TMCC3: variants seen among roughly 807,000 people sequenced by gnomAD.
TMCC3 encodes the protein transmembrane and coiled-coil domain family 3.
TMCC3 carries 28 observed loss-of-function variants against 40.2 expected under a neutral mutation model. That is an observed-to-expected ratio of 0.70 (90% CI 0.52 to 0.95). TMCC3 has a LOEUF of 0.95. Among genes scored for constraint, TMCC3 ranks in the 40% least tolerant of loss-of-function variants. The pLI, the probability that TMCC3 is intolerant of heterozygous loss-of-function variation, is 0.00. For synonymous variants in TMCC3, 255 were observed against 248.5 expected (o/e 1.03, Z -0.25); for missense variants, 554 against 615.2 (o/e 0.90, Z 1.05).
chr12:94,650,204 C>T, intron 1 of TMCC3, 149 bp downstream of exon 1: 1 of 370,710 alleles, frequency 2.7e-6, no homozygotes, highest in Non-Finnish European at 4.3e-6. Context: ...CCTTTTAGCT[C>T]GGAGGATCGG....
At chr12:94,581,570 AAAAT>A (rs1191152859) in intron 2 of TMCC3, 48 bp downstream of exon 2, 16 of 1,168,448 alleles carry the variant, frequency 1.4e-5, no homozygotes, top group South Asian at 8.5e-5. Context: ...ATAAAATAAA[AAAAT>A]AAATAAATAA....
At chr12:94,641,275 C>T (rs916721659) in intron 1 of TMCC3, among the ~76,000 whole-genome samples, 2 of 151,910 alleles carry the variant, frequency 1.3e-5, no homozygotes, top group African/African-American at 4.8e-5. Context: ...GCAGCTCAGG[C>T]ATCTGGTTTG....
chr12:94,590,704 C>T (rs2068668714), intron 1 of TMCC3: 4 of 305,614 alleles, frequency 1.3e-5, no homozygotes, highest in South Asian at 1.3e-4. Flanking sequence ...GTGTGTTCTC[C>T]CAGAAGAACA....
rs1456497021 is a variant in TMCC3 at position 94,582,557 on chromosome 12, A to C, written c.79-19T>G. On this transcript the variant is annotated intron_variant, in intron 1 of 3. Coordinates refer to ENST00000261226, the MANE Select transcript of TMCC3 (RefSeq NM_020698.4). The stretch of plus-strand genomic sequence containing the variant: ...GTTCTACCTGAAAGAGACAGGAAAG[A>C]AGCACATTAAAATTTGAAGTCAAAG... The C allele has an allele frequency of 3.2e-6, 5 of 1,557,522 alleles. No individual in the cohort carries two copies. The highest frequency in any genetic ancestry group is 2.0e-5 in the Admixed American group (1 of 49,690).
At chr12:94,616,184 T>A in intron 1 of TMCC3, 3 of 784,422 alleles carry the variant, frequency 3.8e-6, no homozygotes, top group Non-Finnish European at 4.6e-6. Context: ...GCTGTACAAA[T>A]GGGCTCTTTG....
At chr12:94,626,122 G>A (rs1224881740) in intron 1 of TMCC3, among the ~76,000 whole-genome samples, 1 of 152,172 alleles carries the variant, frequency 6.6e-6, no homozygotes, top group Non-Finnish European at 1.5e-5. Context: ...ATGTGTGAAC[G>A]CAGAAAAAAC....
rs2068605885 is a variant in TMCC3 at position 94,582,034 on chromosome 12, GAGTA to G, written c.579_582del (p.Thr194HisfsTer15). On this transcript the variant is annotated frameshift_variant, in exon 2 of 4. Coordinates refer to ENST00000261226, the MANE Select transcript of TMCC3 (RefSeq NM_020698.4). LOFTEE classifies it high-confidence loss of function. ...GACTTATTGAAAACGAACACAGGTG[GAGTA>G]AGTGAGACCCCTGGCATGCCCGATT... The G allele has an allele frequency of 6.2e-7, 1 of 1,614,076 alleles. No individual in the cohort carries two copies. Among genetic ancestry groups the G allele is most frequent in the Non-Finnish European group, 8.5e-7 (1 of 1,180,042 alleles).
intron 1 of TMCC3, among the ~76,000 whole-genome samples, chr12:94,642,332 C>T (rs1202050144): frequency 2.0e-5 from 3 of 152,122 alleles, no homozygotes; most frequent in African/African-American, 7.2e-5. Flanking sequence ...GTCTAAATTC[C>T]CTTCCAGTTC....
At chr12:94,639,567 G>A (rs975376146) in intron 1 of TMCC3, among the ~76,000 whole-genome samples, 5 of 151,754 alleles carry the variant, frequency 3.3e-5, no homozygotes, top group Non-Finnish European at 5.9e-5. Context: ...GCAACAGAAC[G>A]AGACTCTATC....
rs200255847 is a variant in TMCC3 at position 94,578,406 on chromosome 12, C to T, written c.1119G>A (p.Ser373=). 1.7e-5 allele frequency: 27 copies of T among 1,613,718 alleles called. No homozygotes were observed. Among genetic ancestry groups the T allele is most frequent in the African/African-American group, 2.7e-5 (2 of 74,882 alleles). ...AAGGGAAAGGTACCTGGATGTCCCGCGAGCGCTCGTAGGCCTGGTAGGCCA... is the reference window on the plus strand; with the variant it reads ...AAGGGAAAGGTACCTGGATGTCCCGTGAGCGCTCGTAGGCCTGGTAGGCCA... ...EKVAYQAYER[S]RDIQEALESC... The change falls in exon 3 of 4, where the codon TCG becomes TCA. Residue 373 remains serine, a synonymous_variant. Coordinates refer to ENST00000261226, the MANE Select transcript of TMCC3 (RefSeq NM_020698.4).
At chr12:94,584,787 C>A (rs576389113) in intron 1 of TMCC3, among the ~76,000 whole-genome samples, 1 of 151,954 alleles carries the variant, frequency 6.6e-6, no homozygotes, top group South Asian at 2.1e-4. Context: ...AATAAATGCC[C>A]AATCACTACA....
rs372248512 is a variant in TMCC3, at chr12:94,570,681, G to A, written c.*754C>T. The A allele has an allele frequency of 2.0e-5, 3 of 152,628 alleles. No individual in the cohort carries two copies. Among genetic ancestry groups the A allele is most frequent in the African/African-American group, 7.2e-5 (3 of 41,446 alleles). The allele number at this position is 152,628 out of a possible 1,614,324, so 9.5% of individuals were successfully genotyped here. ...AATGTTAAAGTCACAGTCTGATGAG[G>A]GATTTGAAAACATTCCTGCACACTC... On this transcript the variant is annotated 3_prime_UTR_variant, in exon 4 of 4. Coordinates refer to ENST00000261226, the MANE Select transcript of TMCC3 (RefSeq NM_020698.4).
intron 1 of TMCC3, among the ~76,000 whole-genome samples, chr12:94,639,032 CCACT>C (rs1208200699): frequency 6.6e-6 from 1 of 152,182 alleles, no homozygotes; most frequent in Non-Finnish European, 1.5e-5. Context: ...TCTTCTCCAC[CCACT>C]ATCTGTCCTT....
At chr12:94,619,124 CACTT>C (rs766829950) in intron 1 of TMCC3, among the ~76,000 whole-genome samples, 1 of 152,152 alleles carries the variant, frequency 6.6e-6, no homozygotes, top group Non-Finnish European at 1.5e-5. Flanking sequence ...GCATTACACA[CACTT>C]ACACACGTCT....
intron 1 of TMCC3, among the ~76,000 whole-genome samples, chr12:94,604,761 G>A (rs1382696844): frequency 8.0e-6 from 1 of 125,262 alleles, no homozygotes; most frequent in Non-Finnish European, 1.6e-5. Context: ...CCATGATTGT[G>A]CCATTGCACT....
At chr12:94,579,399 C>T (rs915659968) in intron 2 of TMCC3, among the ~76,000 whole-genome samples, 9 of 152,076 alleles carry the variant, frequency 5.9e-5, no homozygotes, top group Non-Finnish European at 1.2e-4. Flanking sequence ...CCCAGCTACT[C>T]GGGAGGCTGA....
chr12:94,571,563 C>A lies in TMCC3; in HGVS notation c.1306G>T (p.Val436Phe). The A allele has an allele frequency of 1.2e-6, 2 of 1,614,120 alleles. No homozygotes were observed. Among genetic ancestry groups the A allele is most frequent in the South Asian group, 1.1e-5 (1 of 91,074 alleles). ...CAGCGACTCTTCATCATGGGTGAGA[C>A]GAACTTCGCGATGGTGGACACACAC... ...LVCVSTIAKFVSPMMKSRCHI... is the reference protein window; with the variant it reads ...LVCVSTIAKFFSPMMKSRCHI... The change falls in exon 4 of 4, where the codon GTC becomes TTC. Residue 436 changes from valine (V) to phenylalanine (F), a missense_variant. Val to Phe is a conservative substitution (Grantham distance 50). Coordinates refer to ENST00000261226, the MANE Select transcript of TMCC3 (RefSeq NM_020698.4).
At chr12:94,603,594 A>AGAAG (rs1205547018) in intron 1 of TMCC3, among the ~76,000 whole-genome samples, 2 of 152,196 alleles carry the variant, frequency 1.3e-5, no homozygotes, top group East Asian at 3.8e-4. Flanking sequence ...TGCGGAGGTG[A>AGAAG]GAAGAGTGGT....
chr12:94,613,738 C>T (rs765942076), intron 1 of TMCC3: 2 of 152,004 alleles, frequency 1.3e-5, no homozygotes, highest in Non-Finnish European at 2.9e-5. Flanking sequence ...AGGGGTGTTT[C>T]ATGTATTTTT....
Sources: allele counts gnomAD v4.1 joint callset (sites outside exome capture counted in the v4.1 genomes callset), GRCh38; gene constraint gnomAD v4.1.1; transcripts MANE v1.5; gene names NCBI Gene and HGNC (gene_info 2026-07-23, HGNC 2026-07-21).